Variants in SCEL observed in about 807,000 individuals in gnomAD.
The protein encoded by SCEL is sciellin.
Under a neutral mutation model 117.6 loss-of-function variants are expected in SCEL, and 113 were observed. That is an observed-to-expected ratio of 0.96 (90% CI 0.83 to 1.12). The LOEUF (loss-of-function observed/expected upper bound fraction) is 1.12. Among genes scored for constraint, SCEL ranks in the 50% most tolerant of loss-of-function variants. The pLI is 0.00. For synonymous variants in SCEL, 270 were observed against 256.2 expected, an observed-to-expected ratio of 1.05 and a Z score of -0.51; for missense variants, 785 against 810.8, an observed-to-expected ratio of 0.97 and a Z score of 0.39.
intron 23 of SCEL, among the ~76,000 whole-genome samples, chr13:77,613,343 TATTCTTATACTTG>T (rs1236324044): frequency 6.6e-6 from 1 of 152,238 alleles, no homozygotes; most frequent in Non-Finnish European, 1.5e-5. Context: ...GACAACATAA[TATTCTTATACTTG>T]ATTAGAATAT....
chr13:77,546,376 C>T (rs1040902593), intron 1 of SCEL, among the ~76,000 whole-genome samples: 2 of 152,164 alleles, frequency 1.3e-5, no homozygotes, highest in Non-Finnish European at 2.9e-5. Context: ...GATTCTTCCT[C>T]TAACTGTGTA....
Position 77,563,358 on chromosome 13 carries a change from C to T in SCEL, c.222-473C>T, listed in dbSNP as rs573724126. Reference sequence around the variant, plus strand: ...AGTTCCCTTCTTTCAACCCTGTCCACGGTGCTGAATATTAAACAAAGCATT... The same window carrying T: ...AGTTCCCTTCTTTCAACCCTGTCCATGGTGCTGAATATTAAACAAAGCATT... On this transcript the variant is annotated intron_variant, in intron 4 of 32. Coordinates refer to ENST00000349847, the MANE Select transcript of SCEL (RefSeq NM_144777.3). 4.2e-4 allele frequency among the ~76,000 whole-genome samples: 64 copies of T among 152,200 alleles called. 1 individual carries two copies. Among genetic ancestry groups the T allele is most frequent in the Admixed American group, 2.9e-3 (45 of 15,282 alleles).
intron 30 of SCEL, among the ~76,000 whole-genome samples, chr13:77,639,628 A>C (rs1021329817): frequency 2.0e-5 from 3 of 152,304 alleles, no homozygotes; most frequent in Middle Eastern, 6.8e-3. Context: ...TCATGATAGT[A>C]GCAGGTTTCT....
intron 9 of SCEL, among the ~76,000 whole-genome samples, chr13:77,581,787 A>G (rs138480180): frequency 6.6e-6 from 1 of 152,328 alleles, no homozygotes; most frequent in East Asian, 1.9e-4. Flanking sequence ...GAAGCATGGC[A>G]GGTTAAAGGG....
At chr13:77,568,789 T>A (rs949231027) in intron 7 of SCEL, among the ~76,000 whole-genome samples, 1 of 152,218 alleles carries the variant, frequency 6.6e-6, no homozygotes, top group African/African-American at 2.4e-5. Context: ...TTCCCTGGAA[T>A]GTACTACTGA....
intron 5 of SCEL, among the ~76,000 whole-genome samples, chr13:77,565,758 G>T (rs2085252290): frequency 6.6e-6 from 1 of 152,078 alleles, no homozygotes; most frequent in Non-Finnish European, 1.5e-5. Context: ...ATACTTATGT[G>T]TGTAAAATGT....
At chr13:77,545,882 A>G (rs547063578) in intron 1 of SCEL, among the ~76,000 whole-genome samples, 1 of 152,382 alleles carries the variant, frequency 6.6e-6, no homozygotes, top group South Asian at 2.1e-4. Flanking sequence ...CATCTTTGAT[A>G]AGAAAAATTT....
At chr13:77,590,834 AG>A (rs1483520548) in intron 10 of SCEL, among the ~76,000 whole-genome samples, 1 of 152,118 alleles carries the variant, frequency 6.6e-6, no homozygotes, top group Non-Finnish European at 1.5e-5. Flanking sequence ...ATGTATAAGT[AG>A]GTCAACCAGA....
At chr13:77,587,841 A>G (rs903916304) in intron 9 of SCEL, among the ~76,000 whole-genome samples, 3 of 151,992 alleles carry the variant, frequency 2.0e-5, no homozygotes, top group South Asian at 2.1e-4. Flanking sequence ...TTTTGTCTCT[A>G]CTTACACTGA....
intron 27 of SCEL, among the ~76,000 whole-genome samples, chr13:77,619,691 TC>T (rs1237152745): frequency 7.9e-5 from 12 of 152,216 alleles, no homozygotes; most frequent in Non-Finnish European, 1.6e-4. Context: ...TACGGAAATA[TC>T]TTTGTTAAGT....
intron 3 of SCEL, among the ~76,000 whole-genome samples, chr13:77,558,731 G>A (rs948153746): frequency 6.7e-6 from 1 of 148,350 alleles, no homozygotes; most frequent in African/African-American, 2.5e-5. Flanking sequence ...CAGGAGAATT[G>A]CTTGAACCGA....
At chr13:77,545,589 A>G (rs1190653331) in intron 1 of SCEL, among the ~76,000 whole-genome samples, 1 of 152,250 alleles carries the variant, frequency 6.6e-6, no homozygotes, top group Admixed American at 6.5e-5. Flanking sequence ...CTACTGCAGT[A>G]AAATGTCTGC....
At chr13:77,564,234 A>G (rs2085156892) in intron 5 of SCEL, among the ~76,000 whole-genome samples, 1 of 150,954 alleles carries the variant, frequency 6.6e-6, no homozygotes, top group Non-Finnish European at 1.5e-5. Context: ...CCTTGTTCCA[A>G]CATTTGGTTC....
intron 4 of SCEL, among the ~76,000 whole-genome samples, 168 bp downstream of exon 4, chr13:77,560,031 C>T (rs1199675224): frequency 1.3e-5 from 2 of 152,190 alleles, no homozygotes; most frequent in South Asian, 2.1e-4. Context: ...CACAAGGAAA[C>T]TCTGCCTCTC....
chr13:77,613,533 T>C (rs914971490), intron 23 of SCEL, among the ~76,000 whole-genome samples: 9 of 152,158 alleles, frequency 5.9e-5, no homozygotes, highest in Non-Finnish European at 1.0e-4. Flanking sequence ...GGGATTGTTA[T>C]GAACATGAGA....
chr13:77,602,706 A>G lies in SCEL; in HGVS notation c.1030A>G (p.Ser344Gly). The change falls in exon 17 of 33, where the codon AGC (serine) becomes GGC (glycine). Residue 344 changes from serine (S) to glycine (G), a missense_variant. Transcript: ENST00000349847. ...AGTGAATGCCAGGATGAATAAAACG[A>G]GCAGAAGGTGAGAACTGAACAGATG... ...AKVNARMNKT[S>G]RRSEDLDNAT... 6.2e-7 allele frequency: 1 copy of G among 1,613,592 alleles called. No homozygotes were observed. Among genetic ancestry groups the G allele is most frequent in the Non-Finnish European group, 8.5e-7 (1 of 1,179,632 alleles).
intron 11 of SCEL, among the ~76,000 whole-genome samples, chr13:77,593,259 AGTGTGTGT>A (rs4052543): frequency 2.3e-4 from 26 of 111,160 alleles, no homozygotes; most frequent in East Asian, 1.0e-3. Context: ...AACAGAGGGG[AGTGTGTGT>A]GTGTGTGTGT....
intron 9 of SCEL, among the ~76,000 whole-genome samples, chr13:77,575,524 T>G (rs2085891216): frequency 6.6e-6 from 1 of 152,242 alleles, no homozygotes; most frequent in African/African-American, 2.4e-5. Context: ...TCATTTTATG[T>G]ATGATATACA....
At chr13:77,551,859 A>C (rs1405538898) in intron 1 of SCEL, among the ~76,000 whole-genome samples, 3 of 87,324 alleles carry the variant, frequency 3.4e-5, no homozygotes, top group South Asian at 4.8e-4. Flanking sequence ...CCCACCCCAC[A>C]ACAGTCCCCA....
Sources: gnomAD v4.1 joint callset for allele counts (sites outside exome capture counted in the v4.1 genomes callset) on GRCh38, gnomAD v4.1.1 for gene constraint, MANE v1.5 for transcripts, NCBI Gene and HGNC (gene_info 2026-07-23, HGNC 2026-07-21) for gene names.